MAGI2: variants seen among roughly 807,000 people sequenced by gnomAD.
MAGI2 encodes membrane associated guanylate kinase, WW and PDZ domain containing 2, also known as membrane-associated guanylate kinase, WW and PDZ domain-containing protein 2.
In MAGI2, 35 loss-of-function variants were observed where a neutral mutation model predicts 133.3. That is an observed-to-expected ratio of 0.26 (90% CI 0.20 to 0.35). The LOEUF (loss-of-function observed/expected upper bound fraction) is 0.35. MAGI2 is among the 10% of genes least tolerant of loss of function. The pLI is 1.00. For missense variants in MAGI2, 1,636 were observed against 1,863.4 expected (o/e 0.88, Z 2.25); for synonymous variants, 729 against 710.6 (o/e 1.03, Z -0.41).
chr7:78,371,260 A>G (rs906196825), intron 6 of MAGI2, among the ~76,000 whole-genome samples: 6 of 151,810 alleles, frequency 4.0e-5, no homozygotes, highest in African/African-American at 1.4e-4. Context: ...CTCATTCAAA[A>G]CCCTTTTTTA....
intron 1 of MAGI2, among the ~76,000 whole-genome samples, chr7:79,039,715 C>T (rs968863050): frequency 1.8e-4 from 27 of 151,346 alleles, no homozygotes; most frequent in Admixed American, 6.6e-5. Flanking sequence ...GGTGCAGTGG[C>T]TCACATCTGT....
intron 1 of MAGI2, among the ~76,000 whole-genome samples, chr7:79,252,196 A>T (rs1833352057): frequency 6.6e-6 from 1 of 151,722 alleles, no homozygotes; most frequent in East Asian, 1.9e-4. Flanking sequence ...AAGAAAAAGA[A>T]GAAAGAAAAT....
chr7:78,951,389 C>G (rs561153317), intron 2 of MAGI2, among the ~76,000 whole-genome samples: 1 of 152,250 alleles, frequency 6.6e-6, no homozygotes, highest in African/African-American at 2.4e-5. Context: ...TTCTGCATGG[C>G]TGGGGAGGTC....
intron 2 of MAGI2, among the ~76,000 whole-genome samples, chr7:78,778,288 C>T (rs1469442139): frequency 2.0e-5 from 3 of 152,306 alleles, no homozygotes; most frequent in Admixed American, 2.0e-4. Context: ...TTGTCCATAC[C>T]TTCCACCTTC....
intron 2 of MAGI2, among the ~76,000 whole-genome samples, chr7:78,824,299 A>G (rs113357932): frequency 0.18 from 27,916 of 152,096 alleles, 3,524 homozygotes; most frequent in African/African-American, 0.35. Context: ...CTCAGTAATG[A>G]GATTGCTGGG....
intron 1 of MAGI2, among the ~76,000 whole-genome samples, chr7:79,379,584 T>G: frequency 6.6e-6 from 1 of 151,952 alleles, no homozygotes; most frequent in South Asian, 2.1e-4. Flanking sequence ...ACCAACAGTG[T>G]AAAAGTGTTC....
chr7:79,099,042 C>T (rs1450899549), intron 1 of MAGI2, among the ~76,000 whole-genome samples: 4 of 152,054 alleles, frequency 2.6e-5, no homozygotes, highest in Admixed American at 1.3e-4. Flanking sequence ...GCATGCCAGA[C>T]GTGTCTATGA....
intron 5 of MAGI2, among the ~76,000 whole-genome samples, chr7:78,494,213 C>A (rs1296993430): frequency 2.0e-5 from 3 of 152,064 alleles, no homozygotes; most frequent in Non-Finnish European, 2.9e-5. Flanking sequence ...CTGCCTTGGC[C>A]TCCAAATTAC....
intron 1 of MAGI2, among the ~76,000 whole-genome samples, chr7:79,244,626 C>T (rs1319321233): frequency 6.6e-6 from 1 of 152,196 alleles, no homozygotes; most frequent in African/African-American, 2.4e-5. Flanking sequence ...GCAAGCCTCA[C>T]TACCTCAGGC....
intron 2 of MAGI2, among the ~76,000 whole-genome samples, chr7:78,644,306 A>T (rs1288583897): frequency 6.6e-6 from 1 of 152,098 alleles, no homozygotes; most frequent in Non-Finnish European, 1.5e-5. Flanking sequence ...CCTGAACCAC[A>T]CTATCTACCA....
intron 6 of MAGI2, among the ~76,000 whole-genome samples, chr7:78,454,791 C>T (rs1416354100): frequency 2.0e-5 from 3 of 152,002 alleles, no homozygotes; most frequent in Non-Finnish European, 4.4e-5. Context: ...CCTTAAATGC[C>T]CACCACTAAG....
intron 1 of MAGI2, among the ~76,000 whole-genome samples, chr7:79,056,853 A>G (rs1017006958): frequency 1.3e-5 from 2 of 152,242 alleles, no homozygotes; most frequent in East Asian, 3.8e-4. Flanking sequence ...TGCTTCCCCT[A>G]GGACTATATT....
chr7:78,548,900 T>A (rs1029797290), intron 3 of MAGI2, among the ~76,000 whole-genome samples: 1 of 152,216 alleles, frequency 6.6e-6, no homozygotes, highest in African/African-American at 2.4e-5. Context: ...AATTCACTTA[T>A]GGTTGAATTT....
At position 78,837,939 on chromosome 7, in the gene MAGI2, T is replaced by C. The variant is rs542472908; in HGVS notation, c.418+169151A>G. Among the ~76,000 whole-genome samples, 17 of 152,212 alleles carry C rather than the reference T, an allele frequency of 1.1e-4. No individual in the cohort carries two copies. In the South Asian group the frequency reaches 3.5e-3, roughly 32 times the overall value. The stretch of plus-strand genomic sequence containing the variant: ...GAATTCAACATCTCAATAACAGCCA[T>C]TGAAAAACAACTGCTTCAGAGTCCT... On this transcript the variant is annotated intron_variant, in intron 2 of 21. Coordinates refer to ENST00000354212, the MANE Select transcript of MAGI2 (RefSeq NM_012301.4).
intron 1 of MAGI2, among the ~76,000 whole-genome samples, chr7:79,105,921 C>T (rs992283383): frequency 4.6e-5 from 7 of 151,688 alleles, no homozygotes; most frequent in Non-Finnish European, 8.8e-5. Context: ...ATGTTTTTCT[C>T]AAAATAAGTT....
At chr7:78,666,968 T>A (rs531285211) in intron 2 of MAGI2, among the ~76,000 whole-genome samples, 1 of 152,276 alleles carries the variant, frequency 6.6e-6, no homozygotes, top group East Asian at 1.9e-4. Context: ...GAAAAATTCT[T>A]AAAGACTATG....
intron 1 of MAGI2, among the ~76,000 whole-genome samples, chr7:79,419,233 C>G (rs1289843758): frequency 6.6e-6 from 1 of 151,976 alleles, no homozygotes; most frequent in Non-Finnish European, 1.5e-5. Flanking sequence ...AAAATGAATA[C>G]TGAGATGCCT....
At chr7:79,058,531 T>G (rs752517822) in intron 1 of MAGI2, among the ~76,000 whole-genome samples, 3 of 152,134 alleles carry the variant, frequency 2.0e-5, no homozygotes, top group Non-Finnish European at 4.4e-5. Context: ...TTTACCCTCA[T>G]GCCCACACGT....
At chr7:78,268,430 G>A (rs568102672) in intron 9 of MAGI2, among the ~76,000 whole-genome samples, 5 of 152,196 alleles carry the variant, frequency 3.3e-5, no homozygotes, top group African/African-American at 4.8e-5. Context: ...AACAATAACC[G>A]TATGCCAAGA....
Sources: gnomAD v4.1 joint callset for allele counts (sites outside exome capture counted in the v4.1 genomes callset) on GRCh38, gnomAD v4.1.1 for gene constraint, MANE v1.5 for transcripts, NCBI Gene and HGNC (gene_info 2026-07-23, HGNC 2026-07-21) for gene names.